Variants in CACNB4 observed in about 807,000 individuals in gnomAD.
The protein encoded by CACNB4 is voltage-dependent L-type calcium channel subunit beta-4.
In CACNB4, 32 loss-of-function variants were observed where a neutral mutation model predicts 71.2. The observed-to-expected ratio is 0.45, with a 90% CI of 0.34 to 0.60. The LOEUF (loss-of-function observed/expected upper bound fraction) is 0.60. CACNB4 is among the 20% of genes least tolerant of loss of function. CACNB4 has a pLI of 0.01. For synonymous variants in CACNB4, 231 were observed against 236.9 expected (o/e 0.97, Z 0.23); for missense variants, 464 against 647.9 (o/e 0.72, Z 3.08).
At chr2:151,890,621 C>T (rs1231046835) in intron 2 of CACNB4, among the ~76,000 whole-genome samples, 1 of 152,146 alleles carries the variant, frequency 6.6e-6, no homozygotes, top group African/African-American at 2.4e-5. Flanking sequence ...ATTAAAACAT[C>T]AAACATTTTA....
chr2:152,046,258 T>C (rs1029196766), intron 2 of CACNB4, among the ~76,000 whole-genome samples: 1 of 152,172 alleles, frequency 6.6e-6, no homozygotes. Context: ...TTTCTATATG[T>C]GAGCACAGGC....
In CACNB4 at chr2:152,098,119, C is replaced by T. The variant is rs1037191584; in HGVS notation, c.147+211G>A. On this transcript the variant is annotated intron_variant, in intron 2 of 13. Transcript: ENST00000539935. This position sits in a 1 kb window ranked among gnomAD's most constrained non-coding sequence, Gnocchi z 5.3. The stretch of plus-strand genomic sequence containing the variant: ...CCACACACATGCACAAACTAACTTC[C>T]CGGGGCGGTGCGGAGACGCCGGGAC... Among the ~76,000 whole-genome samples the T allele has an allele frequency of 2.6e-5, 4 of 152,264 alleles. No individual in the cohort carries two copies. The highest frequency in any genetic ancestry group is 9.6e-5 in the African/African-American group (4 of 41,480).
At chr2:151,909,954 C>T (rs190159804) in intron 2 of CACNB4, among the ~76,000 whole-genome samples, 43 of 152,304 alleles carry the variant, frequency 2.8e-4, no homozygotes, top group African/African-American at 1.0e-3. Context: ...TGAGGAATCG[C>T]CATACTGTCT....
At chr2:152,063,886 G>A (rs534685098) in intron 2 of CACNB4, among the ~76,000 whole-genome samples, 89 of 152,220 alleles carry the variant, frequency 5.8e-4, no homozygotes, top group African/African-American at 2.1e-3. Context: ...ATTCAGACTC[G>A]TGTACAAAAT....
At chr2:151,855,421 A>G (rs764879441) in intron 10 of CACNB4, 46 bp from the exon 11 acceptor site, 6 of 1,381,180 alleles carry the variant, frequency 4.3e-6, no homozygotes, top group Non-Finnish European at 6.0e-6. Context: ...GTTATGAATT[A>G]GTTCTTACAT....
intron 2 of CACNB4, among the ~76,000 whole-genome samples, chr2:151,959,984 GC>G (rs1194797526): frequency 1.3e-5 from 2 of 152,102 alleles, no homozygotes; most frequent in African/African-American, 4.8e-5. Flanking sequence ...TACAAGATCT[GC>G]CTCACCGTTC....
At chr2:151,888,727 T>A (rs2099849989) in intron 2 of CACNB4, among the ~76,000 whole-genome samples, 1 of 152,186 alleles carries the variant, frequency 6.6e-6, no homozygotes, top group Admixed American at 6.5e-5. Context: ...GAGTGGCCAC[T>A]ACATGAAAGA....
chr2:151,961,255 C>T (rs1324130689), intron 2 of CACNB4, among the ~76,000 whole-genome samples: 2 of 152,190 alleles, frequency 1.3e-5, no homozygotes, highest in South Asian at 2.1e-4. Flanking sequence ...GACAATGGAG[C>T]ACATCTAAGA....
intron 2 of CACNB4, among the ~76,000 whole-genome samples, chr2:152,058,182 A>G (rs1208456217): frequency 6.6e-6 from 1 of 152,208 alleles, no homozygotes; most frequent in Non-Finnish European, 1.5e-5. Context: ...CTGTGAGTCA[A>G]TTAAACCTCT....
intron 2 of CACNB4, among the ~76,000 whole-genome samples, chr2:151,985,301 T>G (rs985438069): frequency 3.9e-5 from 6 of 152,198 alleles, no homozygotes; most frequent in African/African-American, 1.4e-4. Context: ...TTCCCCACAT[T>G]ACTAAAAACT....
At chr2:152,024,920 G>C (rs928130262) in intron 2 of CACNB4, among the ~76,000 whole-genome samples, 1 of 152,196 alleles carries the variant, frequency 6.6e-6, no homozygotes, top group African/African-American at 2.4e-5. Context: ...GCCAGGCGTG[G>C]TGGCACGTGC....
intron 2 of CACNB4, among the ~76,000 whole-genome samples, chr2:151,912,308 C>T (rs757859743): frequency 2.6e-4 from 40 of 151,266 alleles, no homozygotes; most frequent in Non-Finnish European, 5.0e-4. Context: ...GCATTTAGTG[C>T]TATACATTTC....
At chr2:151,990,515 G>A (rs1248732823) in intron 2 of CACNB4, among the ~76,000 whole-genome samples, 1 of 152,174 alleles carries the variant, frequency 6.6e-6, no homozygotes, top group Non-Finnish European at 1.5e-5. Flanking sequence ...AGGCAACAAT[G>A]TGAGCTCCAG....
chr2:151,855,179 TA>T, intron 11 of CACNB4, 44 bp downstream of exon 11: 2 of 1,395,584 alleles, frequency 1.4e-6, no homozygotes, highest in Non-Finnish European at 1.9e-6. Flanking sequence ...AACACATTTT[TA>T]AAAGATGCAC....
At position 151,835,897 on chromosome 2, in the gene CACNB4, C is replaced by T. The variant is rs2099834788; in HGVS notation, c.*3222G>A. 1 of 151,768 alleles carries T rather than the reference C, an allele frequency of 6.6e-6. No homozygotes were observed. Among genetic ancestry groups the T allele is most frequent in the Non-Finnish European group, 1.5e-5 (1 of 67,736 alleles). The allele number at this position is 151,768 out of a possible 1,614,324, so 9.4% of individuals were successfully genotyped here. ...GAATTTGTTTTACATTAATAAAATT[C>T]ATTTCATTAAAGACTAACTGCAATG... On this transcript the variant is annotated 3_prime_UTR_variant, in exon 14 of 14. Coordinates refer to ENST00000539935, the MANE Select transcript of CACNB4 (RefSeq NM_000726.5).
At chr2:152,093,628 C>T (rs967342863) in intron 2 of CACNB4, among the ~76,000 whole-genome samples, 1 of 152,134 alleles carries the variant, frequency 6.6e-6, no homozygotes, top group African/African-American at 2.4e-5. Flanking sequence ...GGAACCTAGC[C>T]ACCATATTAT....
intron 2 of CACNB4, among the ~76,000 whole-genome samples, chr2:151,885,915 T>G (rs1304259056): frequency 6.6e-6 from 1 of 152,172 alleles, no homozygotes; most frequent in African/African-American, 2.4e-5. Flanking sequence ...TGTCTGAGTT[T>G]AGGTATAGCT....
intron 2 of CACNB4, among the ~76,000 whole-genome samples, chr2:152,054,835 C>T (rs1560166172): frequency 6.6e-6 from 1 of 152,004 alleles, no homozygotes; most frequent in Non-Finnish European, 1.5e-5. Context: ...ATACGGAGCA[C>T]TTTTTTTTAT....
intron 2 of CACNB4, among the ~76,000 whole-genome samples, chr2:152,095,248 T>C (rs1408563385): frequency 6.6e-6 from 1 of 152,212 alleles, no homozygotes; most frequent in Non-Finnish European, 1.5e-5. Context: ...GCAGGCTCTC[T>C]TTCTCAGTCT....
Sources: gnomAD v4.1 joint callset for allele counts (sites outside exome capture counted in the v4.1 genomes callset) on GRCh38, gnomAD v4.1.1 for gene constraint, Gnocchi (gnomAD v3.1) non-coding constraint, MANE v1.5 for transcripts, NCBI Gene and HGNC (gene_info 2026-07-23, HGNC 2026-07-21) for gene names.